Variants in TENM3 observed in about 807,000 individuals in gnomAD.
The protein encoded by TENM3 is teneurin transmembrane protein 3, also known as teneurin-3.
A neutral mutation model predicts 255.1 loss-of-function variants in TENM3; 63 were observed. The observed-to-expected ratio is 0.25, with a 90% CI of 0.20 to 0.30. TENM3 has a LOEUF of 0.30. Among genes scored for constraint, TENM3 ranks in the 10% least tolerant of loss-of-function variants. The probability of loss-of-function intolerance (pLI) is 1.00; values close to 1 mark genes in which losing one functional copy is unlikely to be tolerated. For missense variants in TENM3, 2,929 were observed against 3,461.1 expected, an observed-to-expected ratio of 0.85 and a Z score of 3.86; for synonymous variants, 1,306 against 1,322.3, an observed-to-expected ratio of 0.99 and a Z score of 0.27.
intron 5 of TENM3, among the ~76,000 whole-genome samples, chr4:182,646,450 A>G (rs1015958742): frequency 2.6e-5 from 4 of 152,156 alleles, no homozygotes; most frequent in Admixed American, 6.5e-5. Context: ...GTGGCAATTT[A>G]AGAGATACCA....
chr4:181,961,692 A>G, the TENM3 span, among the ~76,000 whole-genome samples: 13 of 152,172 alleles, frequency 8.5e-5, no homozygotes, highest in Admixed American at 6.6e-4. Flanking sequence ...ATAAAAAAAT[A>G]TAGTTTTAAA....
At chr4:181,944,354 G>C in the TENM3 span, among the ~76,000 whole-genome samples, 1 of 149,016 alleles carries the variant, frequency 6.7e-6, no homozygotes, top group East Asian at 2.0e-4. Flanking sequence ...CTCCAGAAGA[G>C]AGAATATTCA....
intron 4 of TENM3, among the ~76,000 whole-genome samples, chr4:182,610,936 G>A (rs1748940557): frequency 6.7e-6 from 1 of 150,208 alleles, no homozygotes; most frequent in African/African-American, 2.4e-5. Context: ...GGAGAGACAG[G>A]GTGTCTCATT....
the TENM3 span, among the ~76,000 whole-genome samples, chr4:181,591,233 G>A: frequency 2.6e-5 from 4 of 152,194 alleles, no homozygotes; most frequent in African/African-American, 4.8e-5. Flanking sequence ...CCAAGTGTTG[G>A]CAAGAATGTG....
chr4:181,804,687 A>G, the TENM3 span, among the ~76,000 whole-genome samples: 1 of 152,090 alleles, frequency 6.6e-6, no homozygotes, highest in Non-Finnish European at 1.5e-5. Flanking sequence ...TAAAAAGACC[A>G]CTTTAACTAA....
the TENM3 span, among the ~76,000 whole-genome samples, chr4:181,483,631 A>G: frequency 6.6e-6 from 1 of 152,290 alleles, no homozygotes; most frequent in South Asian, 2.1e-4. Flanking sequence ...TTTCTCAGAC[A>G]TGGTTTTACA....
chr4:181,568,947 G>A, the TENM3 span, among the ~76,000 whole-genome samples: 1 of 152,192 alleles, frequency 6.6e-6, no homozygotes, highest in Non-Finnish European at 1.5e-5. Flanking sequence ...TGTTACGTGT[G>A]TATCCCAAAA....
chr4:182,472,923 A>G (rs1317566799), intron 3 of TENM3, among the ~76,000 whole-genome samples: 3 of 152,062 alleles, frequency 2.0e-5, no homozygotes, highest in East Asian at 1.9e-4. Flanking sequence ...GAGTCTTGCT[A>G]TGTTGTTCAG....
the TENM3 span, among the ~76,000 whole-genome samples, chr4:181,585,968 C>A: frequency 6.6e-6 from 1 of 152,150 alleles, no homozygotes; most frequent in Admixed American, 6.5e-5. Context: ...GCGTTGGAGG[C>A]TCAGTAATAA....
chr4:181,911,351 G>A, the TENM3 span, among the ~76,000 whole-genome samples: 1 of 152,172 alleles, frequency 6.6e-6, no homozygotes, highest in African/African-American at 2.4e-5. Flanking sequence ...AAGATGCAAA[G>A]AAAGACATGC....
chr4:182,399,598 G>A (rs17319609), intron 3 of TENM3, among the ~76,000 whole-genome samples: 6,934 of 152,264 alleles, frequency 0.046, 243 homozygotes, highest in Non-Finnish European at 0.07. Context: ...TGCTCCTATA[G>A]ACAAAGACAA....
At chr4:182,770,037 C>T (rs553937122) in intron 22 of TENM3, among the ~76,000 whole-genome samples, 1,497 of 144,534 alleles carry the variant, frequency 0.01, 14 homozygotes, top group South Asian at 0.024. Context: ...ACCCAGGAGG[C>T]GGAGGTTGCA....
chr4:182,643,096 C>A (rs530095905), intron 5 of TENM3, among the ~76,000 whole-genome samples: 2 of 152,104 alleles, frequency 1.3e-5, no homozygotes, highest in African/African-American at 4.8e-5. Flanking sequence ...TCTTCACATG[C>A]GATACTTTCA....
chr4:181,839,506 G>A, the TENM3 span, among the ~76,000 whole-genome samples: 2 of 146,318 alleles, frequency 1.4e-5, no homozygotes, highest in Non-Finnish European at 3.0e-5. Context: ...TAATACATAT[G>A]ATATATACTA....
chr4:182,536,426 C>CATGCCT lies in TENM3; in HGVS notation c.512-64493_512-64492insTATGCC, dbSNP rs1433777931. On this transcript the variant is annotated intron_variant, in intron 3 of 27. Transcript: ENST00000511685. ...CCGGAGCAAAATAGCTGCCAATAGGCATGCCATGCTTTTTAGCTTCAGTGA... is the reference window on the plus strand; with the variant it reads ...CCGGAGCAAAATAGCTGCCAATAGGCATGCCTATGCCATGCTTTTTAGCTTCAGTGA... 2.0e-5 allele frequency among the ~76,000 whole-genome samples: 3 copies of CATGCCT among 152,352 alleles called. No homozygotes were observed. The South Asian group carries it at 6.2e-4, about 32-fold the overall frequency.
At chr4:182,778,301 T>C (rs147757808) in intron 24 of TENM3, among the ~76,000 whole-genome samples, 404 of 152,214 alleles carry the variant, frequency 2.7e-3, no homozygotes, top group African/African-American at 9.2e-3. Context: ...ATCTCAAAAT[T>C]TGAAAGCCAA....
the TENM3 span, among the ~76,000 whole-genome samples, chr4:181,957,388 G>C: frequency 6.6e-6 from 1 of 152,136 alleles, no homozygotes; most frequent in Non-Finnish European, 1.5e-5. Context: ...GGATCACAAA[G>C]TACAGGATTA....
At chr4:181,752,403 A>G in the TENM3 span, among the ~76,000 whole-genome samples, 2 of 152,094 alleles carry the variant, frequency 1.3e-5, no homozygotes. Context: ...TACAAAAAAA[A>G]TAGCTGGGCG....
chr4:182,083,299 T>A, the TENM3 span, among the ~76,000 whole-genome samples: 709 of 152,296 alleles, frequency 4.7e-3, 9 homozygotes, highest in African/African-American at 0.016. Context: ...GTTTAATCCA[T>A]CATAAAGCAT....
Sources: allele counts gnomAD v4.1 joint callset (sites outside exome capture counted in the v4.1 genomes callset), GRCh38; gene constraint gnomAD v4.1.1; transcripts MANE v1.5; gene names NCBI Gene and HGNC (gene_info 2026-07-23, HGNC 2026-07-21).